The following CFDP1 variants were observed in gnomAD, a reference collection of about 807,000 sequenced individuals.
The protein encoded by CFDP1 is heterochromatin-stabilizing protein CFDP1.
CFDP1 carries 31 observed loss-of-function variants against 40.1 expected under a neutral mutation model. That is an observed-to-expected ratio of 0.77 (90% CI 0.58 to 1.04). The LOEUF (loss-of-function observed/expected upper bound fraction) is 1.04, where lower values mean the gene tolerates loss of function less well. CFDP1 is among the 50% of genes least tolerant of loss of function. CFDP1 has a pLI of 0.00. For missense variants in CFDP1, 423 were observed against 343.4 expected (o/e 1.23, Z -1.83); for synonymous variants, 167 against 120.0 (o/e 1.39, Z -2.56).
chr16:75,367,652 T>C (rs2078724299), intron 5 of CFDP1, among the ~76,000 whole-genome samples: 1 of 149,896 alleles, frequency 6.7e-6, no homozygotes. Context: ...AATTAGCCGG[T>C]CGTGGTGGCA....
intron 5 of CFDP1, among the ~76,000 whole-genome samples, chr16:75,336,624 G>A (rs186643618): frequency 2.0e-5 from 3 of 152,260 alleles, no homozygotes; most frequent in Admixed American, 1.3e-4. Context: ...GTATTTCAGG[G>A]ATCATTCCCG....
At chr16:75,361,305 C>G (rs542122752) in intron 5 of CFDP1, among the ~76,000 whole-genome samples, 92 of 152,256 alleles carry the variant, frequency 6.0e-4, no homozygotes, top group African/African-American at 2.2e-3. Flanking sequence ...GTAACCACAC[C>G]CAGGCAAGTC....
intron 6 of CFDP1, among the ~76,000 whole-genome samples, chr16:75,297,048 TG>T (rs1230754764): frequency 3.9e-5 from 6 of 152,134 alleles, no homozygotes; most frequent in African/African-American, 1.4e-4. Flanking sequence ...AATAACCCTC[TG>T]GCAATCCAAT....
At chr16:75,316,755 A>G (rs533850819) in intron 5 of CFDP1, among the ~76,000 whole-genome samples, 3 of 152,252 alleles carry the variant, frequency 2.0e-5, no homozygotes, top group Admixed American at 6.5e-5. Flanking sequence ...GGATCACCTG[A>G]GGTCAGGAGT....
At chr16:75,399,423 T>C (rs2079028920) in intron 4 of CFDP1, among the ~76,000 whole-genome samples, 1 of 152,214 alleles carries the variant, frequency 6.6e-6, no homozygotes, top group Non-Finnish European at 1.5e-5. Context: ...TCTGAACACA[T>C]GCTTTATTCC....
rs71394217 is a variant in CFDP1, at chr16:75,413,288, G to C, written c.183-534C>G. Among the ~76,000 whole-genome samples the C allele has an allele frequency of 4.2e-3, 638 of 152,240 alleles. 1 individual carries two copies. The highest frequency in any genetic ancestry group is 7.5e-3 in the Non-Finnish European group (513 of 68,018). Reference sequence around the variant, plus strand: ...GGAACATAGAAAAATTCAAGGACAGGCCAGGCGCAGTGGCTCACACCTGTA... The same window carrying C: ...GGAACATAGAAAAATTCAAGGACAGCCCAGGCGCAGTGGCTCACACCTGTA... On this transcript the variant is annotated intron_variant, in intron 2 of 6. Coordinates refer to ENST00000283882, the MANE Select transcript of CFDP1 (RefSeq NM_006324.3).
At chr16:75,342,270 AT>A (rs1458303455) in intron 5 of CFDP1, among the ~76,000 whole-genome samples, 1 of 152,196 alleles carries the variant, frequency 6.6e-6, no homozygotes, top group East Asian at 1.9e-4. Flanking sequence ...TCTGGGATGT[AT>A]TGTTTTAAAA....
At chr16:75,347,380 A>AAAGAAT in intron 5 of CFDP1, among the ~76,000 whole-genome samples, 1 of 150,628 alleles carries the variant, frequency 6.6e-6, no homozygotes, top group Non-Finnish European at 1.5e-5. Context: ...AGAAAAAGAA[A>AAAGAAT]AAGAAAAAAG....
intron 5 of CFDP1, among the ~76,000 whole-genome samples, chr16:75,341,805 G>A (rs971442057): frequency 6.6e-6 from 1 of 152,030 alleles, no homozygotes; most frequent in East Asian, 1.9e-4. Context: ...CCCTTTCTGT[G>A]CTCAGTTTAT....
At chr16:75,321,363 C>T (rs750506345) in intron 5 of CFDP1, among the ~76,000 whole-genome samples, 10 of 152,132 alleles carry the variant, frequency 6.6e-5, no homozygotes, top group Non-Finnish European at 1.0e-4. Flanking sequence ...TTAGTATATC[C>T]ATTACCACAA....
Position 75,371,935 on chromosome 16 carries a change from G to GA in CFDP1, c.650+23154dup, listed in dbSNP as rs2078754797. 3.3e-5 allele frequency among the ~76,000 whole-genome samples: 5 copies of GA among 152,280 alleles called. No homozygotes were observed. In the South Asian group the frequency reaches 1.0e-3, roughly 32 times the overall value. The stretch of plus-strand genomic sequence containing the variant: ...CTTGTTATTTAAAATAGGGAAAAGG[G>GA]AAAAACTACTAATTTTCATTGAGTC... On this transcript the variant is annotated intron_variant, in intron 5 of 6. Transcript: ENST00000283882.
intron 1 of CFDP1, among the ~76,000 whole-genome samples, chr16:75,428,745 A>G (rs1366978246): frequency 6.6e-6 from 1 of 152,150 alleles, no homozygotes; most frequent in African/African-American, 2.4e-5. Context: ...AAAAAATTAT[A>G]GGAAAAAAAA....
intron 5 of CFDP1, among the ~76,000 whole-genome samples, chr16:75,326,843 C>G (rs1469285190): frequency 6.6e-6 from 1 of 152,152 alleles, no homozygotes; most frequent in Non-Finnish European, 1.5e-5. Context: ...CATCTTTCAC[C>G]TATAACGTTA....
chr16:75,316,216 G>A (rs1567643019), intron 5 of CFDP1, among the ~76,000 whole-genome samples: 1 of 152,186 alleles, frequency 6.6e-6, no homozygotes, highest in Non-Finnish European at 1.5e-5. Flanking sequence ...CTTGGGTAAG[G>A]TTGTGACGGC....
At chr16:75,375,960 C>T (rs2078791728) in intron 5 of CFDP1, among the ~76,000 whole-genome samples, 1 of 152,202 alleles carries the variant, frequency 6.6e-6, no homozygotes, top group Non-Finnish European at 1.5e-5. Context: ...TGCCTATAAT[C>T]CTTGCAGTTT....
intron 1 of CFDP1, among the ~76,000 whole-genome samples, chr16:75,414,945 T>C (rs374689066): frequency 2.6e-5 from 4 of 152,304 alleles, no homozygotes; most frequent in South Asian, 2.1e-4. Context: ...ATCCCACTTA[T>C]ATTTAATGTT....
In CFDP1 at chr16:75,327,949, C is replaced by T. The variant is rs1408769011; in HGVS notation, c.651-22767G>A. On this transcript the variant is annotated intron_variant, in intron 5 of 6. Transcript: ENST00000283882. ...GTCACCATGTTGGCCAGGCTGGTCT[C>T]GAACTCCTGACCTCAGGTGATCCGC... is the stretch of plus-strand genomic sequence containing the variant. 1.9e-4 allele frequency among the ~76,000 whole-genome samples: 29 copies of T among 151,952 alleles called. 1 individual carries two copies. The highest frequency in any genetic ancestry group is 1.8e-3 in the Admixed American group (28 of 15,266).
intron 5 of CFDP1, among the ~76,000 whole-genome samples, chr16:75,381,464 TA>T (rs1217502251): frequency 2.6e-5 from 4 of 151,922 alleles, no homozygotes; most frequent in African/African-American, 9.7e-5. Flanking sequence ...AGTTAGGGGC[TA>T]GGGGGAAAGA....
chr16:75,316,889 G>A (rs1284312996), intron 5 of CFDP1, among the ~76,000 whole-genome samples: 1 of 152,118 alleles, frequency 6.6e-6, no homozygotes, highest in East Asian at 1.9e-4. Flanking sequence ...GCCTCAGCAG[G>A]AGAATCGCTT....
Sources: allele counts gnomAD v4.1 joint callset (sites outside exome capture counted in the v4.1 genomes callset), GRCh38; gene constraint gnomAD v4.1.1; transcripts MANE v1.5; gene names NCBI Gene and HGNC (gene_info 2026-07-23, HGNC 2026-07-21).